The following CSTF1 variants were observed in gnomAD, a reference collection of about 807,000 sequenced individuals.
The protein encoded by CSTF1 is cleavage stimulation factor subunit 1.
Under a neutral mutation model 40.9 loss-of-function variants are expected in CSTF1, and 2 were observed. That is an observed-to-expected ratio of 0.05 (90% confidence interval 0.02 to 0.15). CSTF1 has a LOEUF of 0.15. Ranked by LOEUF, CSTF1 falls within the 10% of genes least tolerant of loss-of-function variation. CSTF1 has a pLI of 1.00. For synonymous variants in CSTF1, 218 were observed against 207.2 expected (o/e 1.05, Z -0.45); for missense variants, 279 against 558.9 (o/e 0.50, Z 5.05).
chr20:56,405,419 G>A lies in CSTF1; in HGVS notation c.*1692G>A, dbSNP rs1978665253. On this transcript the variant is annotated 3_prime_UTR_variant, in exon 6 of 6. Transcript: ENST00000217109. ...AGACGGGGTTTCTCCATGTTGGTCA[G>A]GCTGGTCTCGAACTCCCAACCTCAG... 1.3e-5 allele frequency: 2 copies of A among 151,690 alleles called. No individual in the cohort carries two copies. The highest frequency in any genetic ancestry group is 2.4e-5 in the African/African-American group (1 of 41,244). 9.4% of individuals were successfully genotyped at this position (151,690 alleles called of 1,614,324 possible). A position where few individuals can be genotyped will look rare whatever the true frequency, so the allele number is the denominator to read the frequency against.
intron 1 of CSTF1, among the ~76,000 whole-genome samples, chr20:56,394,321 C>T (rs6069724): frequency 0.47 from 71,927 of 152,084 alleles, 17,523 homozygotes; most frequent in East Asian, 0.85. Context: ...CGCAGTGGCT[C>T]GCGCCCGTAA....
chr20:56,398,323 C>G (rs1978323644), intron 4 of CSTF1, among the ~76,000 whole-genome samples: 2 of 152,166 alleles, frequency 1.3e-5, no homozygotes. Flanking sequence ...AATCCCAGCA[C>G]TTTGAGAAGC....
At position 56,397,061 on chromosome 20, in the gene CSTF1, T is replaced by C; in HGVS notation, c.170-146T>C. 1.2e-6 allele frequency: 1 copy of C among 816,758 alleles called. No homozygotes were observed. Among genetic ancestry groups the C allele is most frequent in the Non-Finnish European group, 1.9e-6 (1 of 529,470 alleles). The allele number at this position is 816,758 out of a possible 1,614,324, so 50.6% of individuals were successfully genotyped here. On this transcript the variant is annotated intron_variant, in intron 2 of 5. Transcript: ENST00000217109. The surrounding 1 kb of genome is among the most constrained non-coding windows in gnomAD (Gnocchi z 4.4). ...AATAGCATGGGCAAAATACACAGTT[T>C]TGTAAAGTGTTAGGTGTCACGCGGC...
chr20:56,395,269 A>C (rs35183854), intron 1 of CSTF1, among the ~76,000 whole-genome samples: 1,830 of 152,350 alleles, frequency 0.012, 25 homozygotes, highest in South Asian at 0.024. Flanking sequence ...ACACTGGCTA[A>C]CATGACTTGA....
At chr20:56,403,438 G>A (rs375901346) in intron 5 of CSTF1, 30 bp from the exon 6 acceptor site, 24 of 1,611,522 alleles carry the variant, frequency 1.5e-5, no homozygotes, top group Non-Finnish European at 2.0e-5. Flanking sequence ...TGTGGACTTA[G>A]AAAGCTATCC....
chr20:56,400,939 T>C (rs1319588538), intron 5 of CSTF1, among the ~76,000 whole-genome samples: 1 of 152,088 alleles, frequency 6.6e-6, no homozygotes, highest in Non-Finnish European at 1.5e-5. Flanking sequence ...CTTGGGAGGC[T>C]GAGGCAGGAG....
chr20:56,396,435 A>C (rs1024068109), intron 2 of CSTF1, among the ~76,000 whole-genome samples: 1 of 152,254 alleles, frequency 6.6e-6, no homozygotes, highest in East Asian at 1.9e-4. Context: ...AGTGAATACT[A>C]TAACATAATT....
In CSTF1 at chr20:56,397,837, T is replaced by G; in HGVS notation, c.641T>G (p.Ile214Ser). ...TCAGCAAAAAGAGCCTTCAAATACA[T>G]TCAGGTAGGAATCTTTAGAAAGGAG... Reference protein sequence around the residue: ...KPSAKRAFKYIQEAEMLRSIS... With the variant: ...KPSAKRAFKYSQEAEMLRSIS... Residue 214 changes from isoleucine to serine, a missense_variant, in exon 4 of 6, where the codon ATT (isoleucine) becomes AGT (serine). Coordinates refer to ENST00000217109, the MANE Select transcript of CSTF1 (RefSeq NM_001324.3). The surrounding 1 kb of genome is among the most constrained non-coding windows in gnomAD (Gnocchi z 4.4). 1 of 1,606,710 alleles carries G rather than the reference T, an allele frequency of 6.2e-7. No individual in the cohort carries two copies. The highest frequency in any genetic ancestry group is 8.5e-7 in the Non-Finnish European group (1 of 1,173,720).
At chr20:56,398,896 A>G in intron 4 of CSTF1, 71 bp from the exon 5 acceptor site, 1 of 1,352,194 alleles carries the variant, frequency 7.4e-7, no homozygotes, top group African/African-American at 1.5e-5. Flanking sequence ...TCAGCCAGAT[A>G]TTTTCCACAT....
chr20:56,393,170 A>ATGTGTGTG lies in CSTF1; in HGVS notation c.-33+469_-33+476dup, dbSNP rs11473393. 3.9e-4 allele frequency among the ~76,000 whole-genome samples: 52 copies of ATGTGTGTG among 132,146 alleles called. 1 individual carries two copies. In the East Asian group the frequency reaches 6.8e-3, roughly 17 times the overall value. 86.7% of individuals were successfully genotyped at this position (132,146 alleles called of 152,430 possible). On this transcript the variant is annotated intron_variant, in intron 1 of 5. Coordinates refer to ENST00000217109, the MANE Select transcript of CSTF1 (RefSeq NM_001324.3). Reference sequence around the variant, plus strand: ...CATATACATATATATACACACACATATGTGTGTGTGTGTGTGTGTATGTAC... The same window carrying ATGTGTGTG: ...CATATACATATATATACACACACATATGTGTGTGTGTGTGTGTGTGTGTGTGTATGTAC...
intron 4 of CSTF1, among the ~76,000 whole-genome samples, chr20:56,398,219 T>C (rs1185716682): frequency 6.6e-6 from 1 of 152,234 alleles, no homozygotes; most frequent in Non-Finnish European, 1.5e-5. Flanking sequence ...CGGTACCCTA[T>C]TTTGAATATG....
Position 56,399,470 on chromosome 20 carries a change from A to T in CSTF1, c.1036+113A>T. 5 of 968,378 alleles carry T rather than the reference A, an allele frequency of 5.2e-6. No individual in the cohort carries two copies. The highest frequency in any genetic ancestry group is 6.1e-6 in the Non-Finnish European group (4 of 654,490). The allele number at this position is 968,378 out of a possible 1,614,324, so 60.0% of individuals were successfully genotyped here. A position where few individuals can be genotyped will look rare whatever the true frequency, so the allele number is the denominator to read the frequency against. ...AATATCTATGCATTGAGCAAGGCAG[A>T]TGTTACCCTTTCTTAGATAAGAGGA... is the stretch of plus-strand genomic sequence containing the variant. On this transcript the variant is annotated intron_variant, in intron 5 of 5. Transcript: ENST00000217109. This position sits in a 1 kb window ranked among gnomAD's most constrained non-coding sequence, Gnocchi z 4.6.
At chr20:56,398,531 G>A (rs1055475824) in intron 4 of CSTF1, among the ~76,000 whole-genome samples, 4 of 152,124 alleles carry the variant, frequency 2.6e-5, no homozygotes, top group East Asian at 1.9e-4. Context: ...TGACCATGCC[G>A]CTGCACTCCA....
intron 1 of CSTF1, among the ~76,000 whole-genome samples, chr20:56,393,145 CATAT>C (rs1491453563): frequency 3.6e-5 from 4 of 111,354 alleles, no homozygotes; most frequent in Non-Finnish European, 1.8e-5. Flanking sequence ...CACACACACA[CATAT>C]ACATATATAT....
rs1030053324 is a variant in CSTF1, at chr20:56,393,892, T to C, written c.-33+1179T>C. ...ACAGGGAAAGCCTCTTCCCGCCTGC[T>C]GTTCTCCAGGTGCCCTCAGTTCAAG... is the stretch of plus-strand genomic sequence containing the variant. On this transcript the variant is annotated intron_variant, in intron 1 of 5. Transcript: ENST00000217109. 3.9e-5 allele frequency among the ~76,000 whole-genome samples: 6 copies of C among 152,314 alleles called. 1 individual carries two copies. In the South Asian group the frequency reaches 1.0e-3, roughly 26 times the overall value.
Position 56,403,806 on chromosome 20 carries a change from C to T in CSTF1, c.*79C>T, listed in dbSNP as rs749112247. On this transcript the variant is annotated 3_prime_UTR_variant, in exon 6 of 6. Transcript: ENST00000217109. ...CCTGTCTCAGCTGCAGTCGTAAGTC[C>T]GTGCACCATCCTTGACGTTTTGCTG... 10 of 1,430,040 alleles carry T rather than the reference C, an allele frequency of 7.0e-6. No individual in the cohort carries two copies. Among genetic ancestry groups the T allele is most frequent in the African/African-American group, 1.4e-5 (1 of 70,922 alleles). The allele number at this position is 1,430,040 out of a possible 1,614,324, so 88.6% of individuals were successfully genotyped here.
chr20:56,401,600 A>C lies in CSTF1; in HGVS notation c.1037-1868A>C, dbSNP rs879547281. On this transcript the variant is annotated intron_variant, in intron 5 of 5. Transcript: ENST00000217109. ...TGGACAGACATGCACATGCCCATAA[A>C]AGGATGTGTGTCCCAACATCATTTG... Among the ~76,000 whole-genome samples the C allele has an allele frequency of 1.4e-3, 211 of 152,342 alleles. 2 individuals are homozygous for C. Among genetic ancestry groups the C allele is most frequent in the African/African-American group, 4.9e-3 (203 of 41,584 alleles).
intron 2 of CSTF1, 141 bp downstream of exon 2, chr20:56,395,862 A>G: frequency 1.2e-6 from 1 of 819,444 alleles, no homozygotes. Context: ...GTTCAGCATG[A>G]GTTCAGGAAG....
intron 5 of CSTF1, among the ~76,000 whole-genome samples, chr20:56,401,275 AAGG>A (rs1978439057): frequency 6.6e-6 from 1 of 152,176 alleles, no homozygotes; most frequent in African/African-American, 2.4e-5. Context: ...CTCGAGAAAA[AAGG>A]AGCCAAAGGA....
Sources: gnomAD v4.1 joint callset for allele counts (sites outside exome capture counted in the v4.1 genomes callset) on GRCh38, gnomAD v4.1.1 for gene constraint, Gnocchi (gnomAD v3.1) non-coding constraint, MANE v1.5 for transcripts, NCBI Gene and HGNC (gene_info 2026-07-23, HGNC 2026-07-21) for gene names.